The following LIN7B variants were observed in gnomAD, a reference collection of about 807,000 sequenced individuals.
LIN7B encodes lin-7 cell polarity scaffold B, also known as protein lin-7 homolog B.
LIN7B carries 16 observed loss-of-function variants against 27.9 expected under a neutral mutation model. The observed-to-expected ratio is 0.57, with a 90% CI of 0.39 to 0.87. The LOEUF (loss-of-function observed/expected upper bound fraction) is 0.87, where lower values mean the gene tolerates loss of function less well. Among genes scored for constraint, LIN7B ranks in the 40% least tolerant of loss-of-function variants. The pLI, the probability that LIN7B is intolerant of heterozygous loss-of-function variation, is 0.00. For synonymous variants in LIN7B, 147 were observed against 120.8 expected (o/e 1.22, Z -1.42); for missense variants, 291 against 288.5 (o/e 1.01, Z -0.06).
intron 1 of LIN7B, 143 bp downstream of exon 1, chr19:49,114,584 G>A (rs2040793033): frequency 1.6e-6 from 1 of 615,038 alleles, no homozygotes; most frequent in African/African-American, 1.9e-5. Flanking sequence ...GGGGCCGGGC[G>A]GTCGCTAGGT....
At chr19:49,115,672 C>T (rs1288145897) in intron 3 of LIN7B, among the ~76,000 whole-genome samples, 4 of 151,922 alleles carry the variant, frequency 2.6e-5, no homozygotes, top group Admixed American at 2.6e-4. Context: ...TCCCTCCAGG[C>T]CTGGCTTTCC....
intron 2 of LIN7B, 48 bp from the exon 3 acceptor site, chr19:49,115,212 G>A: frequency 6.6e-7 from 1 of 1,514,730 alleles, no homozygotes; most frequent in Non-Finnish European, 9.0e-7. Context: ...CCTGCGTCTA[G>A]GGCTGGAGGA....
chr19:49,114,499 C>A, intron 1 of LIN7B, 58 bp downstream of exon 1: 1 of 1,156,580 alleles, frequency 8.6e-7, no homozygotes, highest in Non-Finnish European at 1.1e-6. Context: ...ACCCAGCCCC[C>A]GGTCCCCGCC....
Position 49,117,972 on chromosome 19 carries a change from G to C in LIN7B, c.556G>C (p.Glu186Gln). 1 of 1,614,062 alleles carries C rather than the reference G, an allele frequency of 6.2e-7. No homozygotes were observed. The highest frequency in any genetic ancestry group is 8.5e-7 in the Non-Finnish European group (1 of 1,179,964). Residue 186 changes from glutamate (E) to glutamine (Q), a missense_variant, in exon 5 of 6, where the codon GAG becomes CAG. Glu to Gln is a conservative substitution (Grantham distance 29, BLOSUM62 2). Transcript: ENST00000221459. ...RVLEEMEARF[E>Q]KMRSARRRQQ... ...GCTGGAGGAGATGGAGGCCCGGTTC[G>C]AGAAGATGCGCTCTGCCCGCCGGCG...
rs2040800727 is a variant in LIN7B at position 49,114,945 on chromosome 19, G to T, written c.134G>T (p.Arg45Leu). ...GCCCTCCAGCGAGTTCTGCAGAGCC[G>T]CTTCTGCTCCGCTATCCGAGAGGTG... ...LQALQRVLQS[R>L]FCSAIREVYE... is the part of the protein sequence containing the mutation. Residue 45 changes from arginine to leucine, a missense_variant, in exon 2 of 6, where the codon CGC becomes CTC. Coordinates refer to ENST00000221459, the MANE Select transcript of LIN7B (RefSeq NM_022165.3). 7.0e-7 allele frequency: 1 copy of T among 1,435,344 alleles called. No homozygotes were observed. 88.9% of individuals were successfully genotyped at this position (1,435,344 alleles called of 1,614,324 possible). A position where few individuals can be genotyped will look rare whatever the true frequency, so the allele number is the denominator to read the frequency against.
intron 4 of LIN7B, among the ~76,000 whole-genome samples, chr19:49,117,219 G>A (rs1334277931): frequency 2.7e-5 from 4 of 146,664 alleles, no homozygotes; most frequent in South Asian, 4.3e-4. Flanking sequence ...GCACTCCAGC[G>A]TGGGTGACAG....
intron 4 of LIN7B, 64 bp from the exon 5 acceptor site, chr19:49,117,791 T>C: frequency 6.8e-7 from 1 of 1,467,506 alleles, no homozygotes; most frequent in Non-Finnish European, 9.5e-7. Context: ...GGGTCCCATC[T>C]CCCAGTGGGG....
rs2040858287 is a variant in LIN7B, at chr19:49,117,916, T to C, written c.500T>C (p.Val167Ala). 8 of 1,613,822 alleles carry C rather than the reference T, an allele frequency of 5.0e-6. No homozygotes were observed. Among genetic ancestry groups the C allele is most frequent in the Non-Finnish European group, 6.8e-6 (8 of 1,179,954 alleles). Residue 167 changes from valine (V) to alanine (A), a missense_variant, in exon 5 of 6, where the codon GTG becomes GCG. Coordinates refer to ENST00000221459, the MANE Select transcript of LIN7B (RefSeq NM_022165.3). Reference sequence around the variant, plus strand: ...CTGCTGAAGGCGGCCCAGGGCTCGGTGAAGCTGGTTGTCCGTTACACACCG... The same window carrying C: ...CTGCTGAAGGCGGCCCAGGGCTCGGCGAAGCTGGTTGTCCGTTACACACCG... ...VELLKAAQGS[V>A]KLVVRYTPRV...
Position 49,114,966 on chromosome 19 carries a change from A to G in LIN7B, c.155A>G (p.Glu52Gly). The part of the protein sequence containing the change: ...LQSRFCSAIR[E>G]VYEQLYDTLD... Reference sequence around the variant, plus strand: ...AGCCGCTTCTGCTCCGCTATCCGAGAGGTGAGGGGCGCGCGGCGCAGGGGC... The same window carrying G: ...AGCCGCTTCTGCTCCGCTATCCGAGGGGTGAGGGGCGCGCGGCGCAGGGGC... The change falls in exon 2 of 6, where the codon GAG (glutamate) becomes GGG (glycine). Residue 52 changes from glutamate (E) to glycine (G), a missense_variant and splice_region_variant. By Grantham distance (98) the Glu-to-Gly change is moderately conservative. Transcript: ENST00000221459. 2 of 1,414,424 alleles carry G rather than the reference A, an allele frequency of 1.4e-6. No individual in the cohort carries two copies. The highest frequency in any genetic ancestry group is 1.8e-6 in the Non-Finnish European group (2 of 1,083,476). The allele number at this position is 1,414,424 out of a possible 1,614,324, so 87.6% of individuals were successfully genotyped here.
intron 2 of LIN7B, 144 bp from the exon 3 acceptor site, chr19:49,115,116 C>T (rs1263317951): frequency 4.4e-6 from 4 of 911,416 alleles, no homozygotes; most frequent in Non-Finnish European, 6.3e-6. Context: ...AGGGGTTCTT[C>T]GGGAGTTGTA....
rs1392973039 is a variant in LIN7B, at chr19:49,116,277, C to T, written c.243C>T (p.Ala81=). The change falls in exon 4 of 6, where the codon GCC becomes GCT. Residue 81 remains alanine, a synonymous_variant. Transcript: ENST00000221459. ...CTCTCTCCCAGGCCACAGTGGCTGC[C>T]TTCACAGCCAGCGAGGGCCACGCAC... ...AHATAKATVA[A]FTASEGHAHP... is the part of the protein sequence containing the mutation. The T allele has an allele frequency of 2.5e-6, 4 of 1,613,440 alleles. No individual in the cohort carries two copies. In the East Asian group the frequency reaches 6.7e-5, roughly 27 times the overall value.
rs749852275 is a variant in LIN7B at position 49,114,932 on chromosome 19, G to C, written c.121G>C (p.Val41Leu). 6.8e-7 allele frequency: 1 copy of C among 1,464,852 alleles called. No individual in the cohort carries two copies. 90.7% of individuals were successfully genotyped at this position (1,464,852 alleles called of 1,614,324 possible). Residue 41 changes from valine (V) to leucine (L), a missense_variant, in exon 2 of 6, where the codon GTT (valine) becomes CTT (leucine). Coordinates refer to ENST00000221459, the MANE Select transcript of LIN7B (RefSeq NM_022165.3). ...PPQKLQALQR[V>L]LQSRFCSAIR... ...GCAGAAGCTGCAGGCCCTCCAGCGA[G>C]TTCTGCAGAGCCGCTTCTGCTCCGC...
At chr19:49,117,623 C>T (rs2040850154) in intron 4 of LIN7B, among the ~76,000 whole-genome samples, 1 of 151,810 alleles carries the variant, frequency 6.6e-6, no homozygotes, top group Non-Finnish European at 1.5e-5. Context: ...AAAGATGGGT[C>T]TGGACGTTTG....
At chr19:49,114,802 G>C (rs1323394081) in intron 1 of LIN7B, 47 bp from the exon 2 acceptor site, 1 of 1,152,476 alleles carries the variant, frequency 8.7e-7, no homozygotes, top group Non-Finnish European at 1.2e-6. Context: ...TCTGCGTCTC[G>C]GGGTCTCTGA....
In LIN7B at chr19:49,116,380, C is replaced by A. The variant is rs1411223871; in HGVS notation, c.346C>A (p.Pro116Thr). 2 of 1,614,118 alleles carry A rather than the reference C, an allele frequency of 1.2e-6. No homozygotes were observed. Among genetic ancestry groups the A allele is most frequent in the African/African-American group, 2.7e-5 (2 of 74,930 alleles). The change falls in exon 4 of 6, where the codon CCC (proline) becomes ACC (threonine). Residue 116 changes from proline (P) to threonine (T), a missense_variant. Pro to Thr is a conservative substitution (Grantham distance 38). Coordinates refer to ENST00000221459, the MANE Select transcript of LIN7B (RefSeq NM_022165.3). ...CATGGGTGGCAAAGAGCAAAACTCG[C>A]CCATCTACATCTCCCGGGTCATCCC... ...NIMGGKEQNS[P>T]IYISRVIPGG... is the part of the protein sequence containing the mutation.
At chr19:49,117,199 T>C (rs2040839670) in intron 4 of LIN7B, among the ~76,000 whole-genome samples, 1 of 135,102 alleles carries the variant, frequency 7.4e-6, no homozygotes, top group Admixed American at 8.5e-5. Flanking sequence ...TGAGCTGAGA[T>C]AGCACCACTG....
rs114549348 is a variant in LIN7B at position 49,116,224 on chromosome 19, G to C, written c.229-39G>C. ...CCCACCCCAGCTTTCATGCCTACCT[G>C]GAAGGGGCCCTCATCTTCAGTCGCT... On this transcript the variant is annotated intron_variant, in intron 3 of 5. Coordinates refer to ENST00000221459, the MANE Select transcript of LIN7B (RefSeq NM_022165.3). The C allele has an allele frequency of 9.5e-4, 1,507 of 1,579,868 alleles. 19 individuals carry two copies. In the African/African-American group the frequency reaches 0.019, roughly 20 times the overall value.
intron 3 of LIN7B, 173 bp from the exon 4 acceptor site, chr19:49,116,090 C>T: frequency 1.7e-6 from 1 of 575,220 alleles, no homozygotes; most frequent in Non-Finnish European, 3.1e-6. Flanking sequence ...TGCAAGTGAA[C>T]AGAAAGAGAC....
intron 2 of LIN7B, 62 bp downstream of exon 2, chr19:49,115,029 G>A (rs1304767409): frequency 8.7e-6 from 10 of 1,146,744 alleles, no homozygotes; most frequent in African/African-American, 1.6e-5. Flanking sequence ...TCCTCCTCCT[G>A]CTTGTCCCGA....
Sources: gnomAD v4.1 joint callset for allele counts (sites outside exome capture counted in the v4.1 genomes callset) on GRCh38, gnomAD v4.1.1 for gene constraint, MANE v1.5 for transcripts, NCBI Gene and HGNC (gene_info 2026-07-23, HGNC 2026-07-21) for gene names.